The following PAPOLA variants were observed in gnomAD, a reference collection of about 807,000 sequenced individuals.
PAPOLA encodes polynucleotide adenylyltransferase alpha.
A neutral mutation model predicts 100.6 loss-of-function variants in PAPOLA; 15 were observed. The observed-to-expected ratio is 0.15, with a 90% CI of 0.10 to 0.23. The LOEUF (loss-of-function observed/expected upper bound fraction) is 0.23, where lower values mean the gene tolerates loss of function less well. Ranked by LOEUF, PAPOLA falls within the 10% of genes least tolerant of loss-of-function variation. The probability of loss-of-function intolerance (pLI) is 1.00; values close to 1 mark genes in which losing one functional copy is unlikely to be tolerated. For missense variants in PAPOLA, 533 were observed against 884.2 expected, an observed-to-expected ratio of 0.60 and a Z score of 5.04; for synonymous variants, 293 against 300.0, an observed-to-expected ratio of 0.98 and a Z score of 0.24.
intron 16 of PAPOLA, among the ~76,000 whole-genome samples, chr14:96,552,088 CAG>C (rs1444663426): frequency 2.6e-5 from 4 of 152,104 alleles, no homozygotes; most frequent in Non-Finnish European, 5.9e-5. Context: ...TCCCACTTTC[CAG>C]AGTCATTGTA....
At chr14:96,521,100 A>T in intron 3 of PAPOLA, 28 bp downstream of exon 3, 15 of 1,052,824 alleles carry the variant, frequency 1.4e-5, no homozygotes, top group Non-Finnish European at 2.1e-5. Context: ...TATATGAAAT[A>T]ATTTCATATA....
chr14:96,555,941 T>C lies in PAPOLA; in HGVS notation c.1759T>C (p.Ser587Pro). 1 of 1,592,372 alleles carries C rather than the reference T, an allele frequency of 6.3e-7. No homozygotes were observed. The highest frequency in any genetic ancestry group is 8.6e-7 in the Non-Finnish European group (1 of 1,160,456). ...SVPQVNSSES[S>P]GGTSSESIPQ... ...GCCACAAGTAAATTCCAGTGAAAGCTCAGGGGGTAAGGAGATTGGGTTTGT... is the reference window on the plus strand; with the variant it reads ...GCCACAAGTAAATTCCAGTGAAAGCCCAGGGGGTAAGGAGATTGGGTTTGT... Residue 587 changes from serine (S) to proline (P), a missense_variant, in exon 18 of 22, where the codon TCA becomes CCA. By Grantham distance (74) the Ser-to-Pro change is moderately conservative. Transcript: ENST00000216277.
intron 21 of PAPOLA, 29 bp from the exon 22 acceptor site, chr14:96,564,926 A>T: frequency 1.8e-6 from 2 of 1,110,868 alleles, no homozygotes; most frequent in Non-Finnish European, 2.8e-6. Flanking sequence ...TGCTTTGAAC[A>T]ATGTTGTGTT....
rs1896329381 is a variant in PAPOLA, at chr14:96,502,412, A to T, written c.-181A>T. 1 of 699,642 alleles carries T rather than the reference A, an allele frequency of 1.4e-6. No individual in the cohort carries two copies. Among genetic ancestry groups the T allele is most frequent in the Non-Finnish European group, 2.6e-6 (1 of 383,472 alleles). The allele number at this position is 699,642 out of a possible 1,614,324, so 43.3% of individuals were successfully genotyped here. A position where few individuals can be genotyped will look rare whatever the true frequency, so the allele number is the denominator to read the frequency against. On this transcript the variant is annotated 5_prime_UTR_variant, in exon 1 of 22. It removes an upstream start codon present in the reference 5' UTR. Transcript: ENST00000216277. ...GTTGCTGTGGTAGCGCTCGGGCGCC[A>T]TGTTAGGACGAAGGGGAAGGAGGAG...
At chr14:96,520,291 T>G in intron 2 of PAPOLA, 63 bp downstream of exon 2, 3 of 1,264,448 alleles carry the variant, frequency 2.4e-6, no homozygotes, top group Non-Finnish European at 3.3e-6. Flanking sequence ...ATAAACTAAT[T>G]TTGAGGCATT....
chr14:96,532,677 AATTG>A (rs753713127), intron 9 of PAPOLA, 28 bp downstream of exon 9: 3 of 1,550,634 alleles, frequency 1.9e-6, no homozygotes, highest in Non-Finnish European at 2.6e-6. Flanking sequence ...ATTAAAATAA[AATTG>A]ATTGTAGACA....
chr14:96,565,090 A>C lies in PAPOLA; in HGVS notation c.*40A>C. ...GTCCATAAACAATATCTGCCAACTCAACCTGTTGTCTTCAAATGCTAAAAA... is the reference window on the plus strand; with the variant it reads ...GTCCATAAACAATATCTGCCAACTCCACCTGTTGTCTTCAAATGCTAAAAA... On this transcript the variant is annotated 3_prime_UTR_variant, in exon 22 of 22. Transcript: ENST00000216277. 26 of 980,114 alleles carry C rather than the reference A, an allele frequency of 2.7e-5. No individual in the cohort carries two copies. Among genetic ancestry groups the C allele is most frequent in the Non-Finnish European group, 4.2e-5 (25 of 601,894 alleles). The allele number at this position is 980,114 out of a possible 1,614,324, so 60.7% of individuals were successfully genotyped here.
chr14:96,522,801 T>C (rs996775313), intron 3 of PAPOLA, among the ~76,000 whole-genome samples: 10 of 152,170 alleles, frequency 6.6e-5, no homozygotes, highest in African/African-American at 2.4e-4. Context: ...TTTGTAGAGT[T>C]GTGTGTGGAG....
chr14:96,507,627 A>G (rs1896823088), intron 1 of PAPOLA, among the ~76,000 whole-genome samples: 1 of 152,194 alleles, frequency 6.6e-6, no homozygotes, highest in Admixed American at 6.5e-5. Context: ...TTGTTATTTA[A>G]ATGAATAAAT....
At chr14:96,507,392 A>G (rs1481969109) in intron 1 of PAPOLA, among the ~76,000 whole-genome samples, 1 of 134,682 alleles carries the variant, frequency 7.4e-6, no homozygotes, top group Non-Finnish European at 1.5e-5. Context: ...GGTTCACGCC[A>G]TTCTCCTGCC....
intron 11 of PAPOLA, among the ~76,000 whole-genome samples, chr14:96,536,615 T>C (rs899116339): frequency 5.9e-5 from 9 of 152,054 alleles, no homozygotes; most frequent in Non-Finnish European, 1.2e-4. Context: ...CAAGGGAAGA[T>C]GCCTCTATCC....
intron 5 of PAPOLA, 74 bp downstream of exon 5, chr14:96,527,613 T>C (rs887625968): frequency 1.4e-5 from 11 of 804,556 alleles, no homozygotes; most frequent in Admixed American, 6.1e-5. Flanking sequence ...TTTTATGATA[T>C]AGCCATCATT....
chr14:96,556,291 TCTTCAGGAAATGCAGCAA>T lies in PAPOLA; in HGVS notation c.1902_1919del (p.Ser635_Thr640del), dbSNP rs749706246. On this transcript the variant is annotated inframe_deletion, in exon 19 of 22. Transcript: ENST00000216277. ...ACGTCTGGTAAACCCACCACCTAGATCTTCAGGAAATGCAGCAACTTCAGGAAATGCAGCAACAAAAAT... is the reference window on the plus strand; with the variant it reads ...ACGTCTGGTAAACCCACCACCTAGATCTTCAGGAAATGCAGCAACAAAAAT... 28 of 1,613,806 alleles carry T rather than the reference TCTTCAGGAAATGCAGCAA, an allele frequency of 1.7e-5. No individual in the cohort carries two copies. Among genetic ancestry groups the T allele is most frequent in the Middle Eastern group, 1.6e-4 (1 of 6,084 alleles).
intron 1 of PAPOLA, 78 bp downstream of exon 1, chr14:96,502,678 G>C: frequency 3.3e-6 from 5 of 1,502,776 alleles, no homozygotes; most frequent in Non-Finnish European, 4.5e-6. Flanking sequence ...AGAGGTAGGC[G>C]GAGAGGGTGG....
intron 15 of PAPOLA, 105 bp downstream of exon 15, chr14:96,544,363 G>A (rs1182164424): frequency 3.2e-6 from 2 of 624,474 alleles, no homozygotes; most frequent in Admixed American, 2.9e-5. Context: ...AATTACTTGC[G>A]AATATTGAAC....
At chr14:96,531,157 A>G (rs1197607303) in intron 6 of PAPOLA, among the ~76,000 whole-genome samples, 3 of 152,040 alleles carry the variant, frequency 2.0e-5, no homozygotes, top group Admixed American at 6.5e-5. Context: ...GCCCACCACC[A>G]TGCCCGGCTA....
At chr14:96,534,126 T>C in intron 9 of PAPOLA, 1 of 1,018,452 alleles carries the variant, frequency 9.8e-7, no homozygotes, top group Non-Finnish European at 1.2e-6. Context: ...TGACTTTGGA[T>C]GGAACTAGTA....
At chr14:96,510,334 G>C (rs977175990) in intron 1 of PAPOLA, among the ~76,000 whole-genome samples, 1 of 151,338 alleles carries the variant, frequency 6.6e-6, no homozygotes, top group African/African-American at 2.4e-5. Flanking sequence ...TACTTTTTCA[G>C]GTCCTGTTTC....
In PAPOLA at chr14:96,529,398, A is replaced by C. The variant is rs375476055; in HGVS notation, c.495+1392A>C. Among the ~76,000 whole-genome samples the C allele has an allele frequency of 3.0e-3, 455 of 151,972 alleles. 18 individuals carry two copies. The South Asian group carries it at 0.082, about 27-fold the overall frequency. ...TGTAGGTATGTTTAAATGATATTTTAAAATGTGCTCCTAAAATACTGCTTT... is the reference window on the plus strand; with the variant it reads ...TGTAGGTATGTTTAAATGATATTTTCAAATGTGCTCCTAAAATACTGCTTT... On this transcript the variant is annotated intron_variant, in intron 6 of 21. Coordinates refer to ENST00000216277, the MANE Select transcript of PAPOLA (RefSeq NM_032632.5).
Sources: gnomAD v4.1 joint callset for allele counts (sites outside exome capture counted in the v4.1 genomes callset) on GRCh38, gnomAD v4.1.1 for gene constraint, MANE v1.5 for transcripts, NCBI Gene and HGNC (gene_info 2026-07-23, HGNC 2026-07-21) for gene names.